Variants in TENM2 observed in about 807,000 individuals in gnomAD.
The protein encoded by TENM2 is teneurin transmembrane protein 2, also known as teneurin-2.
TENM2 carries 52 observed loss-of-function variants against 245.2 expected under a neutral mutation model. That is an observed-to-expected ratio of 0.21 (90% CI 0.17 to 0.27). The LOEUF is 0.27. Ranked by LOEUF, TENM2 falls within the 10% of genes least tolerant of loss-of-function variation. The pLI is 1.00. For missense variants in TENM2, 3,046 were observed against 3,666.8 expected (o/e 0.83, Z 4.37); for synonymous variants, 1,363 against 1,438.9 (o/e 0.95, Z 1.19).
At chr5:167,112,252 C>G in the TENM2 span, among the ~76,000 whole-genome samples, 4 of 152,322 alleles carry the variant, frequency 2.6e-5, no homozygotes, top group East Asian at 3.9e-4. Flanking sequence ...TGAATACCAC[C>G]GTATTTCTCC....
the TENM2 span, among the ~76,000 whole-genome samples, chr5:167,259,260 G>A: frequency 6.6e-6 from 1 of 152,300 alleles, no homozygotes; most frequent in East Asian, 1.9e-4. Flanking sequence ...AGACATTGAA[G>A]ATGAGAGATC....
At chr5:167,049,714 G>T in the TENM2 span, among the ~76,000 whole-genome samples, 1 of 152,094 alleles carries the variant, frequency 6.6e-6, no homozygotes, top group Non-Finnish European at 1.5e-5. Context: ...ATTTAGCAAG[G>T]TTGCTTATAT....
chr5:168,221,282 C>G (rs1041812764), intron 23 of TENM2, among the ~76,000 whole-genome samples: 1 of 152,010 alleles, frequency 6.6e-6, no homozygotes, highest in African/African-American at 2.4e-5. Flanking sequence ...GGTACAGAAG[C>G]CATTTATCTG....
intron 4 of TENM2, among the ~76,000 whole-genome samples, chr5:167,969,029 C>A (rs1266866209): frequency 6.6e-6 from 1 of 152,230 alleles, no homozygotes; most frequent in Non-Finnish European, 1.5e-5. Context: ...CCACGGACCA[C>A]TCCTTTTGGT....
chr5:168,184,989 A>G (rs913240899), intron 13 of TENM2: 1 of 152,226 alleles, frequency 6.6e-6, no homozygotes, highest in African/African-American at 2.4e-5. Context: ...TCTGCAGCCT[A>G]CAATGCCAGG....
intron 1 of TENM2, among the ~76,000 whole-genome samples, chr5:167,328,807 G>C (rs1007851186): frequency 6.6e-6 from 1 of 151,726 alleles, no homozygotes; most frequent in African/African-American, 2.4e-5. Flanking sequence ...CCTCCTTCTC[G>C]GTATACTCTA....
intron 27 of TENM2, among the ~76,000 whole-genome samples, chr5:168,258,470 C>G (rs1375178733): frequency 6.6e-6 from 1 of 152,056 alleles, no homozygotes; most frequent in Non-Finnish European, 1.5e-5. Flanking sequence ...CACTGCACTC[C>G]AGCCTGGGTG....
At chr5:167,475,715 T>G (rs988745169) in intron 2 of TENM2, among the ~76,000 whole-genome samples, 12 of 152,278 alleles carry the variant, frequency 7.9e-5, no homozygotes, top group African/African-American at 2.9e-4. Context: ...GTTCTCATTG[T>G]TCAGCTCCCA....
chr5:167,792,357 G>A (rs146206760), intron 2 of TENM2, among the ~76,000 whole-genome samples: 1 of 152,220 alleles, frequency 6.6e-6, no homozygotes, highest in Non-Finnish European at 1.5e-5. Flanking sequence ...GACAGCCTGA[G>A]GATGAAGGCA....
intron 2 of TENM2, among the ~76,000 whole-genome samples, chr5:167,869,433 T>A (rs1772620169): frequency 6.6e-6 from 1 of 152,222 alleles, no homozygotes; most frequent in African/African-American, 2.4e-5. Flanking sequence ...GGTATGTTAT[T>A]CACGTCCCAG....
intron 2 of TENM2, among the ~76,000 whole-genome samples, chr5:167,808,280 G>A (rs996749286): frequency 6.6e-6 from 1 of 152,156 alleles, no homozygotes; most frequent in African/African-American, 2.4e-5. Context: ...GTTTGTTTGA[G>A]GTAGAGTCTC....
intron 2 of TENM2, among the ~76,000 whole-genome samples, chr5:167,510,364 G>T (rs1046787783): frequency 6.6e-6 from 1 of 152,126 alleles, no homozygotes; most frequent in Non-Finnish European, 1.5e-5. Context: ...GTGGCATTTT[G>T]TGATGCTACT....
the TENM2 span, among the ~76,000 whole-genome samples, chr5:167,261,000 T>C: frequency 3.9e-5 from 6 of 152,300 alleles, no homozygotes; most frequent in Non-Finnish European, 8.8e-5. Flanking sequence ...TCCCATTTCA[T>C]AGATGAGAAA....
In TENM2 at chr5:168,079,602, C is replaced by A. The variant is rs868389902; in HGVS notation, c.1516-10972C>A. Reference sequence around the variant, plus strand: ...AGCTCTTATTATTTTGAGATACATCCCATCAATACCTAGTTTATTGAGAGT... The same window carrying A: ...AGCTCTTATTATTTTGAGATACATCACATCAATACCTAGTTTATTGAGAGT... On this transcript the variant is annotated intron_variant, in intron 7 of 28. Coordinates refer to ENST00000518659, the Ensembl canonical transcript of TENM2. 1.8e-4 allele frequency among the ~76,000 whole-genome samples: 28 copies of A among 152,170 alleles called. No individual in the cohort carries two copies. The South Asian group carries it at 1.9e-3, about 10-fold the overall frequency.
At chr5:167,936,323 C>T (rs2151737472) in intron 3 of TENM2, among the ~76,000 whole-genome samples, 1 of 152,302 alleles carries the variant, frequency 6.6e-6, no homozygotes, top group South Asian at 2.1e-4. Context: ...AAACAGCTTG[C>T]AATAGATCAC....
intron 2 of TENM2, among the ~76,000 whole-genome samples, chr5:167,550,268 G>A (rs1459634225): frequency 1.3e-5 from 2 of 152,166 alleles, no homozygotes; most frequent in Non-Finnish European, 2.9e-5. Context: ...TGTACGTTCT[G>A]CTGGTTCGCT....
intron 2 of TENM2, among the ~76,000 whole-genome samples, chr5:167,486,634 T>A (rs1197648863): frequency 6.6e-6 from 1 of 152,126 alleles, no homozygotes; most frequent in Non-Finnish European, 1.5e-5. Flanking sequence ...GGCCTGCCAT[T>A]TCTTAAATAA....
chr5:168,079,679 T>G (rs1791804404), intron 7 of TENM2, among the ~76,000 whole-genome samples: 1 of 152,202 alleles, frequency 6.6e-6, no homozygotes. Context: ...CTGCATCTAT[T>G]GAGATAATCA....
At chr5:167,913,016 T>C (rs553303057) in intron 3 of TENM2, among the ~76,000 whole-genome samples, 18 of 152,168 alleles carry the variant, frequency 1.2e-4, no homozygotes, top group African/African-American at 4.1e-4. Context: ...CAGGGCTATC[T>C]CTTAAAAGGC....
Sources: allele counts gnomAD v4.1 joint callset (sites outside exome capture counted in the v4.1 genomes callset), GRCh38; gene constraint gnomAD v4.1.1; transcripts MANE v1.5; gene names NCBI Gene and HGNC (gene_info 2026-07-23, HGNC 2026-07-21).